Variants in SIK3 observed in about 807,000 individuals in gnomAD.
The protein encoded by SIK3 is serine/threonine-protein kinase SIK3.
In SIK3, 28 loss-of-function variants were observed where a neutral mutation model predicts 144.2. That is an observed-to-expected ratio of 0.19 (90% CI 0.14 to 0.27). SIK3 has a LOEUF of 0.27. SIK3 is among the 10% of genes least tolerant of loss of function. SIK3 has a pLI of 1.00. For missense variants in SIK3, 1,319 were observed against 1,776.0 expected, an observed-to-expected ratio of 0.74 and a Z score of 4.62; for synonymous variants, 686 against 676.3, an observed-to-expected ratio of 1.01 and a Z score of -0.22.
chr11:117,040,322 G>A (rs897462358), intron 1 of SIK3, among the ~76,000 whole-genome samples: 1 of 152,128 alleles, frequency 6.6e-6, no homozygotes, highest in African/African-American at 2.4e-5. Context: ...ATTATCTAAA[G>A]CATTTAGAAC....
chr11:116,929,633 T>C (rs1947485638), intron 3 of SIK3, among the ~76,000 whole-genome samples: 1 of 152,226 alleles, frequency 6.6e-6, no homozygotes, highest in Non-Finnish European at 1.5e-5. Flanking sequence ...ACAAATCATT[T>C]ATCCTGCCAA....
chr11:116,962,046 T>C (rs547523487), intron 1 of SIK3, among the ~76,000 whole-genome samples: 1 of 152,200 alleles, frequency 6.6e-6, no homozygotes, highest in Non-Finnish European at 1.5e-5. Context: ...ATGTTCATAG[T>C]GAATGAAGCT....
At chr11:117,019,073 G>T (rs1035041537) in intron 1 of SIK3, among the ~76,000 whole-genome samples, 2 of 148,226 alleles carry the variant, frequency 1.3e-5, no homozygotes, top group African/African-American at 5.0e-5. Context: ...AGGCTGGAGT[G>T]CAGTGGCATG....
chr11:117,017,883 A>G (rs1053249208), intron 1 of SIK3, among the ~76,000 whole-genome samples: 9 of 152,248 alleles, frequency 5.9e-5, no homozygotes. Flanking sequence ...ATGGCAAAGT[A>G]CCAAATGTAT....
intron 21 of SIK3, among the ~76,000 whole-genome samples, chr11:116,854,006 C>T (rs1445875720): frequency 2.0e-5 from 3 of 152,166 alleles, no homozygotes; most frequent in East Asian, 1.9e-4. Flanking sequence ...GGTGGCAAAT[C>T]GCCATCAAGG....
intron 1 of SIK3, among the ~76,000 whole-genome samples, chr11:116,977,771 A>G (rs574402247): frequency 1.3e-5 from 2 of 152,328 alleles, no homozygotes; most frequent in Admixed American, 1.3e-4. Flanking sequence ...ACAACCATTG[A>G]ACTTAAGCTT....
At chr11:117,074,748 C>T (rs975695195) in intron 1 of SIK3, among the ~76,000 whole-genome samples, 2 of 151,676 alleles carry the variant, frequency 1.3e-5, no homozygotes, top group African/African-American at 4.8e-5. Flanking sequence ...CATGGTGAAA[C>T]CCTGTCTCTA....
intron 15 of SIK3, among the ~76,000 whole-genome samples, chr11:116,865,258 T>C (rs1021994158): frequency 6.6e-6 from 1 of 152,186 alleles, no homozygotes; most frequent in Admixed American, 6.5e-5. Context: ...CAGAAAGCCA[T>C]GTTCTTCAAG....
rs533108126 is a variant in SIK3 at position 116,859,331 on chromosome 11, G to A, written c.2699C>T (p.Ala900Val). Residue 900 changes from alanine to valine, a missense_variant, in exon 20 of 25, where the codon GCC (alanine) becomes GTC (valine). By Grantham distance (64) the Ala-to-Val change is moderately conservative. This residue lies in a region of SIK3 where 646 missense variants were observed against 763.7 expected (regional missense o/e 0.85). Transcript: ENST00000445177. Reference protein sequence around the residue: ...MQMQHRTNLMATLSYGHRPLS... With the variant: ...MQMQHRTNLMVTLSYGHRPLS... ...GGGACGGTGCCCATAGCTGAGGGTG[G>A]CCATCAGGTTGGTACGGTGCTGCAT... 3.7e-6 allele frequency: 6 copies of A among 1,613,962 alleles called. No individual in the cohort carries two copies. In the African/African-American group the frequency reaches 4.0e-5, roughly 11 times the overall value.
intron 4 of SIK3, among the ~76,000 whole-genome samples, chr11:116,919,897 T>C (rs891514715): frequency 6.6e-6 from 1 of 152,178 alleles, no homozygotes; most frequent in African/African-American, 2.4e-5. Flanking sequence ...TTTGTTGCCG[T>C]TTTCTTCCTT....
At chr11:116,971,597 C>CAATAA (rs1448482154) in intron 1 of SIK3, among the ~76,000 whole-genome samples, 15 of 152,196 alleles carry the variant, frequency 9.9e-5, no homozygotes, top group South Asian at 6.2e-4. Flanking sequence ...CAAAAGTAGA[C>CAATAA]AATAAAATAA....
chr11:116,957,022 T>G lies in SIK3; in HGVS notation c.316A>C (p.Asn106His). ...ACTTCCCGGAAAATCTTCTTCAAGTTTTCTTCATCCAGCTGGGTCTTATCT... is the reference window on the plus strand; with the variant it reads ...ACTTCCCGGAAAATCTTCTTCAAGTGTTCTTCATCCAGCTGGGTCTTATCT... Reference protein sequence around the residue: ...IIDKTQLDEENLKKIFREVQI... With the variant: ...IIDKTQLDEEHLKKIFREVQI... The change falls in exon 2 of 25, where the codon AAC (asparagine) becomes CAC (histidine). Residue 106 changes from asparagine (N) to histidine (H), a missense_variant. Physicochemically the swap from Asn to His is moderately conservative, Grantham distance 68. Coordinates refer to ENST00000445177, the MANE Select transcript of SIK3 (RefSeq NM_001366686.3). 2 of 1,611,192 alleles carry G rather than the reference T, an allele frequency of 1.2e-6. No individual in the cohort carries two copies. The highest frequency in any genetic ancestry group is 1.7e-6 in the Non-Finnish European group (2 of 1,179,208).
intron 1 of SIK3, among the ~76,000 whole-genome samples, chr11:116,982,251 C>T (rs577746935): frequency 7.1e-4 from 108 of 151,998 alleles, no homozygotes; most frequent in Non-Finnish European, 1.4e-3. Context: ...CCCTCAGAAC[C>T]ACCACCACCT....
intron 1 of SIK3, among the ~76,000 whole-genome samples, chr11:116,968,474 C>T (rs191119373): frequency 3.2e-4 from 49 of 152,002 alleles, no homozygotes; most frequent in Admixed American, 1.2e-3. Context: ...AGGTGGTAAG[C>T]GGACAACTGA....
chr11:116,858,692 C>T lies in SIK3; in HGVS notation c.2773G>A (p.Val925Met), dbSNP rs1392212683. ...TAGTTAGCAGGGGAGAACCGATTCACGTTCAAGCTGCAGACACAAAAGGGA... is the reference window on the plus strand; with the variant it reads ...TAGTTAGCAGGGGAGAACCGATTCATGTTCAAGCTGCAGACACAAAAGGGA... The part of the protein sequence containing the change: ...ADSAEAHSLN[V>M]NRFSPANYDQ... The change falls in exon 21 of 25, where the codon GTG becomes ATG. Residue 925 changes from valine to methionine, a missense_variant. Physicochemically the swap from Val to Met is conservative, Grantham distance 21. This residue lies in a region of SIK3 where 646 missense variants were observed against 763.7 expected (regional missense o/e 0.85). Transcript: ENST00000445177. The surrounding 1 kb of genome is among the most constrained non-coding windows in gnomAD (Gnocchi z 5.4). 6 of 1,531,994 alleles carry T rather than the reference C, an allele frequency of 3.9e-6. No individual in the cohort carries two copies. Among genetic ancestry groups the T allele is most frequent in the East Asian group, 2.3e-5 (1 of 44,122 alleles). The allele number at this position is 1,531,994 out of a possible 1,614,324, so 94.9% of individuals were successfully genotyped here.
chr11:117,071,870 C>CA (rs1317904273), intron 1 of SIK3, among the ~76,000 whole-genome samples: 6 of 149,970 alleles, frequency 4.0e-5, no homozygotes, highest in Non-Finnish European at 7.4e-5. Context: ...CCTCCCACCT[C>CA]AGCCTTCCAA....
At position 116,858,446 on chromosome 11, in the gene SIK3, A is replaced by C. The variant is rs761791891; in HGVS notation, c.3019T>G (p.Tyr1007Asp). The change falls in exon 21 of 25, where the codon TAT (tyrosine) becomes GAT (aspartate). Residue 1007 changes from tyrosine to aspartate, a missense_variant. Tyr to Asp is a radical substitution (Grantham distance 160). Around this residue, in one of 8 missense-constraint regions of SIK3, gnomAD observed 646 missense variants for 763.7 expected, o/e 0.85. Coordinates refer to ENST00000445177, the MANE Select transcript of SIK3 (RefSeq NM_001366686.3). This position sits in a 1 kb window ranked among gnomAD's most constrained non-coding sequence, Gnocchi z 5.4. ...TGGGGTACCTGCTGGTGTCTTGTAT[A>C]GTCTGGCGGCGTGGGAGACAGCAGG... ...QALLSPTPPD[Y>D]TRHQQVPHIL... 7 of 1,605,910 alleles carry C rather than the reference A, an allele frequency of 4.4e-6. No homozygotes were observed. The highest frequency in any genetic ancestry group is 6.0e-6 in the Non-Finnish European group (7 of 1,174,794).
At chr11:116,962,930 T>C (rs1949399972) in intron 1 of SIK3, among the ~76,000 whole-genome samples, 1 of 151,106 alleles carries the variant, frequency 6.6e-6, no homozygotes, top group Non-Finnish European at 1.5e-5. Context: ...GTAAATAATA[T>C]ATGTGCCCTC....
rs145361153 is a variant in SIK3 at position 116,986,357 on chromosome 11, G to A, written c.274-29293C>T. Among the ~76,000 whole-genome samples the A allele has an allele frequency of 2.1e-3, 313 of 152,264 alleles. 3 individuals carry two copies. Among genetic ancestry groups the A allele is most frequent in the African/African-American group, 7.0e-3 (292 of 41,544 alleles). Reference sequence around the variant, plus strand: ...CATAAAATGTAGCTGGCATAGAACAGATAACTAGTCATTATTAGCTGTTCT... The same window carrying A: ...CATAAAATGTAGCTGGCATAGAACAAATAACTAGTCATTATTAGCTGTTCT... On this transcript the variant is annotated intron_variant, in intron 1 of 24. Transcript: ENST00000445177.
Sources: gnomAD v4.1 joint callset for allele counts (sites outside exome capture counted in the v4.1 genomes callset) on GRCh38, gnomAD v4.1.1 for gene constraint, gnomAD v4.1.1 regional missense constraint, Gnocchi (gnomAD v3.1) non-coding constraint, MANE v1.5 for transcripts, NCBI Gene and HGNC (gene_info 2026-07-23, HGNC 2026-07-21) for gene names.